RFX8: variants seen among roughly 807,000 people sequenced by gnomAD.
The protein encoded by RFX8 is DNA-binding protein RFX8.
A neutral mutation model predicts 54.6 loss-of-function variants in RFX8; 46 were observed. That is an observed-to-expected ratio of 0.84 (90% CI 0.67 to 1.08). The LOEUF (loss-of-function observed/expected upper bound fraction) is 1.08. Among genes scored for constraint, RFX8 ranks in the 50% least tolerant of loss-of-function variants. The pLI, the probability that RFX8 is intolerant of heterozygous loss-of-function variation, is 0.00. For synonymous variants in RFX8, 192 were observed against 209.5 expected, an observed-to-expected ratio of 0.92 and a Z score of 0.72; for missense variants, 536 against 562.3, an observed-to-expected ratio of 0.95 and a Z score of 0.47.
intron 2 of RFX8, among the ~76,000 whole-genome samples, chr2:101,427,885 G>A (rs1687267820): frequency 6.6e-6 from 1 of 152,156 alleles, no homozygotes; most frequent in African/African-American, 2.4e-5. Context: ...AAGAAGGCTG[G>A]TCACTAAACA....
At position 101,412,954 on chromosome 2, in the gene RFX8, T is replaced by C. The variant is rs755299413; in HGVS notation, c.679A>G (p.Ser227Gly). ...TSKKALASDR[S>G]GADELENNPE... ...TTGTTCTCCAGTTCATCTGCGCCAC[T>C]CCGGTCACTTGCCAGGGCTTTCTTA... The change falls in exon 8 of 12, where the codon AGT becomes GGT. Residue 227 changes from serine to glycine, a missense_variant. Physicochemically the swap from Ser to Gly is moderately conservative, Grantham distance 56 (BLOSUM62 0). Coordinates refer to ENST00000428343, the MANE Select transcript of RFX8 (RefSeq NM_001145664.2). 1 of 1,551,824 alleles carries C rather than the reference T, an allele frequency of 6.4e-7. No individual in the cohort carries two copies. Among genetic ancestry groups the C allele is most frequent in the South Asian group, 1.2e-5 (1 of 84,062 alleles).
chr2:101,435,837 A>T (rs1687753841), intron 2 of RFX8, among the ~76,000 whole-genome samples: 1 of 151,324 alleles, frequency 6.6e-6, no homozygotes, highest in Admixed American at 6.6e-5. Context: ...TCATTTAAAA[A>T]AATAGCCTCA....
intron 1 of RFX8, among the ~76,000 whole-genome samples, chr2:101,469,447 C>T (rs1209348672): frequency 6.6e-6 from 1 of 152,156 alleles, no homozygotes; most frequent in East Asian, 1.9e-4. Flanking sequence ...ACCACTGCAC[C>T]TGGCTTATAT....
chr2:101,455,313 T>A (rs1688908687), intron 2 of RFX8, among the ~76,000 whole-genome samples: 1 of 152,128 alleles, frequency 6.6e-6, no homozygotes, highest in African/African-American at 2.4e-5. Flanking sequence ...ATGCCTGGCT[T>A]GCCTAGGTTT....
chr2:101,403,231 G>T (rs1159704594), intron 10 of RFX8, among the ~76,000 whole-genome samples: 1 of 151,724 alleles, frequency 6.6e-6, no homozygotes, highest in African/African-American at 2.4e-5. Flanking sequence ...GCAGCTCTTT[G>T]TGTGGGAAGT....
intron 2 of RFX8, among the ~76,000 whole-genome samples, chr2:101,440,391 C>T (rs1688029329): frequency 6.6e-6 from 1 of 152,192 alleles, no homozygotes; most frequent in East Asian, 1.9e-4. Context: ...TTATGCTGAA[C>T]ACCTGCTTTC....
At chr2:101,409,642 G>A (rs1393074632) in intron 9 of RFX8, among the ~76,000 whole-genome samples, 1 of 152,186 alleles carries the variant, frequency 6.6e-6, no homozygotes, top group Admixed American at 6.5e-5. Flanking sequence ...TGGGATTACA[G>A]GTGCGTGCCA....
chr2:101,423,259 CAAA>C (rs10686930), intron 2 of RFX8, among the ~76,000 whole-genome samples: 8 of 96,988 alleles, frequency 8.2e-5, no homozygotes, highest in Admixed American at 3.3e-4. Flanking sequence ...AACTCCATCT[CAAA>C]AAAAAAAAAA....
At chr2:101,398,699 G>A (rs1285429227) in intron 11 of RFX8, among the ~76,000 whole-genome samples, 3 of 152,144 alleles carry the variant, frequency 2.0e-5, no homozygotes, top group African/African-American at 7.2e-5. Flanking sequence ...AGAGAAAGGC[G>A]AATGTACCAT....
At chr2:101,454,139 C>T (rs1205887020) in intron 2 of RFX8, among the ~76,000 whole-genome samples, 3 of 148,002 alleles carry the variant, frequency 2.0e-5, no homozygotes, top group South Asian at 2.2e-4. Flanking sequence ...TGAGTGAGAA[C>T]ATGCAGTGTT....
At chr2:101,426,578 A>G (rs939165890) in intron 2 of RFX8, among the ~76,000 whole-genome samples, 12 of 152,202 alleles carry the variant, frequency 7.9e-5, no homozygotes, top group Non-Finnish European at 1.6e-4. Context: ...AACAAAAGCT[A>G]TATCTAAAAA....
At chr2:101,403,322 A>T (rs1685552872) in intron 10 of RFX8, among the ~76,000 whole-genome samples, 2 of 152,154 alleles carry the variant, frequency 1.3e-5, no homozygotes, top group African/African-American at 4.8e-5. Context: ...CAGAGACAGG[A>T]GGGTATGTGA....
At chr2:101,410,797 G>A (rs1030946771) in intron 8 of RFX8, 84 bp from the exon 9 acceptor site, 1 of 707,450 alleles carries the variant, frequency 1.4e-6, no homozygotes, top group Non-Finnish European at 2.5e-6. Context: ...TGGGTAACCT[G>A]GAAACATCAC....
At chr2:101,444,613 A>T (rs1403341926) in intron 2 of RFX8, among the ~76,000 whole-genome samples, 2 of 152,220 alleles carry the variant, frequency 1.3e-5, no homozygotes, top group Admixed American at 1.3e-4. Flanking sequence ...CCAACAAATA[A>T]TTGTGAATTC....
intron 11 of RFX8, among the ~76,000 whole-genome samples, chr2:101,402,021 T>A (rs1452660326): frequency 6.6e-6 from 1 of 152,272 alleles, no homozygotes; most frequent in East Asian, 1.9e-4. Context: ...TTTGTATCTT[T>A]CAACAGGTAT....
intron 2 of RFX8, among the ~76,000 whole-genome samples, chr2:101,424,429 C>T (rs1436259934): frequency 6.6e-6 from 1 of 152,168 alleles, no homozygotes; most frequent in Non-Finnish European, 1.5e-5. Flanking sequence ...GGAGTGTAAA[C>T]TAGTTCAACC....
chr2:101,422,440 T>A lies in RFX8; in HGVS notation c.105A>T (p.Pro35=). 6.5e-7 allele frequency: 1 copy of A among 1,550,032 alleles called. No homozygotes were observed. The change falls in exon 3 of 12, where the codon CCA becomes CCT. Residue 35 remains proline (P), a synonymous_variant. Coordinates refer to ENST00000428343, the MANE Select transcript of RFX8 (RefSeq NM_001145664.2). ...TGAATTCAGACAAAGGGGATCCAACTGGGTCTGTCTTCATCGGTGAATGAT... is the reference window on the plus strand; with the variant it reads ...TGAATTCAGACAAAGGGGATCCAACAGGGTCTGTCTTCATCGGTGAATGAT... ...CEDHSPMKTD[P]VGSPLSEFRR...
intron 1 of RFX8, among the ~76,000 whole-genome samples, chr2:101,472,626 C>T (rs929392518): frequency 5.9e-5 from 9 of 152,192 alleles, no homozygotes; most frequent in African/African-American, 1.9e-4. Flanking sequence ...CTGGGCTACA[C>T]TGTAAGAAGA....
chr2:101,418,801 C>T, intron 5 of RFX8, 50 bp downstream of exon 5: 2 of 1,197,574 alleles, frequency 1.7e-6, no homozygotes, highest in Non-Finnish European at 2.4e-6. Context: ...CCAGCATTTG[C>T]TGCCAATTTC....
Sources: gnomAD v4.1 joint callset for allele counts (sites outside exome capture counted in the v4.1 genomes callset) on GRCh38, gnomAD v4.1.1 for gene constraint, MANE v1.5 for transcripts, NCBI Gene and HGNC (gene_info 2026-07-23, HGNC 2026-07-21) for gene names.